Variants in BLOC1S2 observed in about 807,000 individuals in gnomAD.
BLOC1S2 encodes biogenesis of lysosome-related organelles complex 1 subunit 2.
In BLOC1S2, 12 loss-of-function variants were observed where a neutral mutation model predicts 19.6. The ratio of observed to expected loss-of-function variants is 0.61; its 90% CI spans 0.39 to 0.99. BLOC1S2 has a LOEUF of 0.99. BLOC1S2 is among the 50% of genes least tolerant of loss of function. BLOC1S2 has a pLI of 0.00. For synonymous variants in BLOC1S2, 66 were observed against 64.1 expected, an observed-to-expected ratio of 1.03 and a Z score of -0.14; for missense variants, 142 against 171.0, an observed-to-expected ratio of 0.83 and a Z score of 0.95.
chr10:100,276,304 A>C lies in BLOC1S2; in HGVS notation c.398-811T>G, dbSNP rs1357468232. 1.2e-3 allele frequency among the ~76,000 whole-genome samples: 122 copies of C among 97,842 alleles called. 1 individual carries two copies. The highest frequency in any genetic ancestry group is 2.3e-3 in the East Asian group (8 of 3,522). 64.2% of individuals were successfully genotyped at this position (97,842 alleles called of 152,430 possible). ...CAAACTCAGGCCCGTCTCCCTCTCC[A>C]TCTCCCTCTCCCGTCTCCCTCTCTC... On this transcript the variant is annotated intron_variant, in intron 4 of 4. Coordinates refer to ENST00000370372, the MANE Select transcript of BLOC1S2 (RefSeq NM_173809.5).
intron 4 of BLOC1S2, among the ~76,000 whole-genome samples, chr10:100,279,403 C>T (rs981807091): frequency 6.6e-6 from 1 of 152,190 alleles, no homozygotes; most frequent in African/African-American, 2.4e-5. Flanking sequence ...TACTTATCCC[C>T]TTAAACCAGT....
At chr10:100,281,693 A>AAATATAT (rs71013438) in intron 2 of BLOC1S2, among the ~76,000 whole-genome samples, 1,631 of 138,864 alleles carry the variant, frequency 0.012, 56 homozygotes, top group African/African-American at 0.04. Flanking sequence ...AAAAAAAAAA[A>AAATATAT]ATATATATAT....
chr10:100,276,896 G>C (rs919136794), intron 4 of BLOC1S2, among the ~76,000 whole-genome samples: 2 of 152,204 alleles, frequency 1.3e-5, no homozygotes, highest in African/African-American at 4.8e-5. Context: ...CCCAAAGTGC[G>C]GAGATTGCAG....
At chr10:100,283,915 C>T (rs1321126003) in intron 2 of BLOC1S2, among the ~76,000 whole-genome samples, 1 of 152,148 alleles carries the variant, frequency 6.6e-6, no homozygotes, top group Non-Finnish European at 1.5e-5. Context: ...TATTCAAACA[C>T]CTAGAAGCCA....
At chr10:100,278,680 G>A (rs1393700551) in intron 4 of BLOC1S2, among the ~76,000 whole-genome samples, 1 of 152,216 alleles carries the variant, frequency 6.6e-6, no homozygotes, top group Non-Finnish European at 1.5e-5. Context: ...CAAGTACCCA[G>A]GGACACAAAC....
chr10:100,277,586 T>C (rs1164080930), intron 4 of BLOC1S2, among the ~76,000 whole-genome samples: 70 of 71,938 alleles, frequency 9.7e-4, no homozygotes, highest in South Asian at 2.2e-3. Context: ...GGCCAGCCGC[T>C]CCGTCCGGGA....
In BLOC1S2 at chr10:100,286,015, G is replaced by A. The variant is rs1287504732; in HGVS notation, c.172+82C>T. The stretch of plus-strand genomic sequence containing the variant: ...GTCTCAGGGCATGCAGGGTAGGAAG[G>A]GAGCTGCAGACTGATGCTGCTAACC... On this transcript the variant is annotated intron_variant, in intron 2 of 4. Transcript: ENST00000370372. 6 of 1,550,264 alleles carry A rather than the reference G, an allele frequency of 3.9e-6. No homozygotes were observed. In the African/African-American group the frequency reaches 5.4e-5, roughly 14 times the overall value.
intron 4 of BLOC1S2, among the ~76,000 whole-genome samples, chr10:100,277,654 G>A: frequency 7.1e-6 from 1 of 140,854 alleles, no homozygotes; most frequent in South Asian, 2.2e-4. Context: ...CAGGAGGGAG[G>A]TGGGGGGCTC....
At chr10:100,277,363 C>T (rs1382567584) in intron 4 of BLOC1S2, among the ~76,000 whole-genome samples, 19 of 150,922 alleles carry the variant, frequency 1.3e-4, no homozygotes, top group Non-Finnish European at 2.1e-4. Context: ...CCAGCCGCCC[C>T]GTCCGGGAGG....
chr10:100,285,937 G>GT (rs2134368068), intron 2 of BLOC1S2, among the ~76,000 whole-genome samples, 160 bp downstream of exon 2: 1 of 152,288 alleles, frequency 6.6e-6, no homozygotes, highest in Non-Finnish European at 1.5e-5. Flanking sequence ...GGCCTGCAGA[G>GT]TTGTATTTTC....
chr10:100,278,991 G>A (rs1848026161), intron 4 of BLOC1S2, among the ~76,000 whole-genome samples: 1 of 151,944 alleles, frequency 6.6e-6, no homozygotes, highest in Non-Finnish European at 1.5e-5. Flanking sequence ...GGAGGCTGAG[G>A]AAGGAGGATC....
At position 100,274,933 on chromosome 10, in the gene BLOC1S2, T is replaced by C. The variant is rs1158663164; in HGVS notation, c.*529A>G. 2.5e-6 allele frequency: 1 copy of C among 398,684 alleles called. No homozygotes were observed. The highest frequency in any genetic ancestry group is 4.4e-6 in the Non-Finnish European group (1 of 226,066). The allele number at this position is 398,684 out of a possible 1,614,324, so 24.7% of individuals were successfully genotyped here. On this transcript the variant is annotated 3_prime_UTR_variant, in exon 5 of 5. Coordinates refer to ENST00000370372, the MANE Select transcript of BLOC1S2 (RefSeq NM_173809.5). ...ACTCAGCTTGGAATTATTTTAAGATTTTATGTTATTTGCAATATTATGGAA... is the reference window on the plus strand; with the variant it reads ...ACTCAGCTTGGAATTATTTTAAGATCTTATGTTATTTGCAATATTATGGAA...
In BLOC1S2 at chr10:100,281,193, A is replaced by G. The variant is rs962480905; in HGVS notation, c.173-140T>C. The G allele has an allele frequency of 6.1e-6, 6 of 976,454 alleles. No individual in the cohort carries two copies. In the East Asian group the frequency reaches 1.5e-4, roughly 25 times the overall value. The allele number at this position is 976,454 out of a possible 1,614,324, so 60.5% of individuals were successfully genotyped here. A position where few individuals can be genotyped will look rare whatever the true frequency, so the allele number is the denominator to read the frequency against. On this transcript the variant is annotated intron_variant, in intron 2 of 4. Transcript: ENST00000370372. Reference sequence around the variant, plus strand: ...GGGCCACTTTTGATCTATGACATTTATAACTCAGCCTATGTACTCTGAAAG... The same window carrying G: ...GGGCCACTTTTGATCTATGACATTTGTAACTCAGCCTATGTACTCTGAAAG...
At chr10:100,281,601 T>C (rs1848102998) in intron 2 of BLOC1S2, among the ~76,000 whole-genome samples, 1 of 151,234 alleles carries the variant, frequency 6.6e-6, no homozygotes, top group Non-Finnish European at 1.5e-5. Flanking sequence ...GAGAATTGCT[T>C]GAATCCAGGA....
At chr10:100,285,580 C>A (rs1848214628) in intron 2 of BLOC1S2, among the ~76,000 whole-genome samples, 1 of 152,200 alleles carries the variant, frequency 6.6e-6, no homozygotes, top group Admixed American at 6.5e-5. Flanking sequence ...TCCTCCTCCA[C>A]ACATAGGTCA....
chr10:100,284,631 T>C (rs987100053), intron 2 of BLOC1S2, among the ~76,000 whole-genome samples: 2 of 152,090 alleles, frequency 1.3e-5, no homozygotes, highest in Admixed American at 6.6e-5. Flanking sequence ...GCTGGGATTA[T>C]AGGCGTGTGC....
chr10:100,278,948 G>A (rs1388547490), intron 4 of BLOC1S2, among the ~76,000 whole-genome samples: 1 of 152,208 alleles, frequency 6.6e-6, no homozygotes, highest in South Asian at 2.1e-4. Flanking sequence ...GTAGCTGGAT[G>A]TGATGGTGCA....
Position 100,280,144 on chromosome 10 carries a change from T to C in BLOC1S2, c.377A>G (p.Asp126Gly). The C allele has an allele frequency of 6.2e-7, 1 of 1,613,754 alleles. No individual in the cohort carries two copies. Among genetic ancestry groups the C allele is most frequent in the Non-Finnish European group, 8.5e-7 (1 of 1,179,836 alleles). The change falls in exon 4 of 5, where the codon GAT (aspartate) becomes GGT (glycine). Residue 126 changes from aspartate (D) to glycine (G), a missense_variant. Transcript: ENST00000370372. The stretch of plus-strand genomic sequence containing the variant: ...GTTACCCAGTTTTTTTGAATATGCA[T>C]CCAACTTGTAAGCTGCCTGCTCAAG... ...AALEQAAYKL[D>G]AYSKKLEAKY...
rs961993043 is a variant in BLOC1S2 at position 100,274,310 on chromosome 10, G to T, written c.*1152C>A. 1 of 151,292 alleles carries T rather than the reference G, an allele frequency of 6.6e-6. No individual in the cohort carries two copies. The highest frequency in any genetic ancestry group is 2.5e-5 in the African/African-American group (1 of 40,762). The allele number at this position is 151,292 out of a possible 1,614,324, so 9.4% of individuals were successfully genotyped here. Reference sequence around the variant, plus strand: ...TAATGAAAGTCTAGATTTTTCAGAGGCCATGATAAGTCACTACAGGGTTCT... The same window carrying T: ...TAATGAAAGTCTAGATTTTTCAGAGTCCATGATAAGTCACTACAGGGTTCT... On this transcript the variant is annotated 3_prime_UTR_variant, in exon 5 of 5. Coordinates refer to ENST00000370372, the MANE Select transcript of BLOC1S2 (RefSeq NM_173809.5).
Sources: gnomAD v4.1 joint callset for allele counts (sites outside exome capture counted in the v4.1 genomes callset) on GRCh38, gnomAD v4.1.1 for gene constraint, MANE v1.5 for transcripts, NCBI Gene and HGNC (gene_info 2026-07-23, HGNC 2026-07-21) for gene names.